Variants in DGKB observed in about 807,000 individuals in gnomAD.
DGKB encodes the protein 90 kDa diacylglycerol kinase.
DGKB carries 67 observed loss-of-function variants against 114.3 expected under a neutral mutation model. That is an observed-to-expected ratio of 0.59 (90% CI 0.48 to 0.72). The LOEUF (loss-of-function observed/expected upper bound fraction) is 0.72, where lower values mean the gene tolerates loss of function less well. Ranked by LOEUF, DGKB falls within the 30% of genes least tolerant of loss-of-function variation. DGKB has a pLI of 0.00. For synonymous variants in DGKB, 398 were observed against 323.1 expected (o/e 1.23, Z -2.49); for missense variants, 907 against 975.2 (o/e 0.93, Z 0.93).
At chr7:14,639,465 A>G (rs1358195613) in intron 13 of DGKB, among the ~76,000 whole-genome samples, 1 of 152,226 alleles carries the variant, frequency 6.6e-6, no homozygotes, top group Non-Finnish European at 1.5e-5. Flanking sequence ...TGCCAGAGCA[A>G]CTATCACCAG....
chr7:14,368,841 C>G (rs1013912551), intron 21 of DGKB, among the ~76,000 whole-genome samples: 3 of 151,982 alleles, frequency 2.0e-5, no homozygotes, highest in African/African-American at 7.3e-5. Flanking sequence ...CAGGAAGAGC[C>G]CGGGAGAGCC....
At chr7:14,731,895 T>C (rs1830978600) in intron 5 of DGKB, among the ~76,000 whole-genome samples, 1 of 152,160 alleles carries the variant, frequency 6.6e-6, no homozygotes. Flanking sequence ...ATTAGCGATA[T>C]CTTCAAAAAT....
intron 21 of DGKB, among the ~76,000 whole-genome samples, chr7:14,471,525 A>G (rs1327563390): frequency 6.6e-6 from 1 of 150,614 alleles, no homozygotes; most frequent in East Asian, 2.0e-4. Flanking sequence ...AAGAAGAAGC[A>G]CAAACTAATC....
intron 23 of DGKB, among the ~76,000 whole-genome samples, chr7:14,253,248 T>C (rs1437679125): frequency 3.3e-5 from 5 of 152,134 alleles, no homozygotes; most frequent in Non-Finnish European, 5.9e-5. Context: ...TTGGCCAGGC[T>C]GGTCTCGAAC....
intron 16 of DGKB, among the ~76,000 whole-genome samples, chr7:14,611,410 G>A (rs1317220639): frequency 2.0e-5 from 3 of 152,072 alleles, no homozygotes; most frequent in Admixed American, 6.6e-5. Flanking sequence ...GTGGATTTAT[G>A]ATTCTGTGAC....
intron 1 of DGKB, among the ~76,000 whole-genome samples, chr7:14,855,571 T>C (rs1222872222): frequency 2.0e-5 from 3 of 152,038 alleles, no homozygotes; most frequent in Non-Finnish European, 2.9e-5. Flanking sequence ...CCCATGCATA[T>C]GCACACATTT....
At chr7:14,324,257 T>G (rs192699040) in intron 23 of DGKB, among the ~76,000 whole-genome samples, 176 of 152,130 alleles carry the variant, frequency 1.2e-3, no homozygotes, top group African/African-American at 4.1e-3. Flanking sequence ...AAGACCAGTC[T>G]GGCCAACATG....
chr7:14,668,319 G>A (rs958134299), intron 13 of DGKB, among the ~76,000 whole-genome samples: 5 of 152,066 alleles, frequency 3.3e-5, no homozygotes, highest in African/African-American at 1.2e-4. Context: ...AATAAAAAAT[G>A]CTACTTAGGT....
intron 1 of DGKB, among the ~76,000 whole-genome samples, chr7:14,919,095 A>ACACACACACACAC (rs1554345122): frequency 3.5e-5 from 4 of 114,920 alleles, no homozygotes; most frequent in African/African-American, 7.2e-5. Context: ...CACACACACA[A>ACACACACACACAC]ACACACACAC....
chr7:14,846,101 T>G (rs1312381939), intron 1 of DGKB, among the ~76,000 whole-genome samples: 1 of 152,236 alleles, frequency 6.6e-6, no homozygotes, highest in Non-Finnish European at 1.5e-5. Flanking sequence ...AGGTCTTCAC[T>G]TTTTATAACA....
At chr7:14,802,846 G>C (rs1031087832) in intron 2 of DGKB, among the ~76,000 whole-genome samples, 5 of 151,732 alleles carry the variant, frequency 3.3e-5, no homozygotes, top group Non-Finnish European at 7.4e-5. Context: ...TTTTTTATAC[G>C]TTTACTGCAT....
intron 10 of DGKB, among the ~76,000 whole-genome samples, chr7:14,684,445 C>T (rs183509310): frequency 4.6e-5 from 7 of 152,188 alleles, no homozygotes; most frequent in African/African-American, 1.7e-4. Context: ...TAATGGAGAA[C>T]TTAAATGAAG....
chr7:14,860,914 A>AT (rs916525844), intron 1 of DGKB, among the ~76,000 whole-genome samples: 1 of 151,898 alleles, frequency 6.6e-6, no homozygotes, highest in Non-Finnish European at 1.5e-5. Context: ...AAGATAATAG[A>AT]TTTTTCTGAG....
At chr7:14,445,528 AAAG>A (rs1830612346) in intron 21 of DGKB, among the ~76,000 whole-genome samples, 1 of 152,006 alleles carries the variant, frequency 6.6e-6, no homozygotes, top group Non-Finnish European at 1.5e-5. Context: ...AAATGTATTT[AAAG>A]AAGAAGAAAC....
chr7:14,893,283 T>C (rs891809668), intron 1 of DGKB, among the ~76,000 whole-genome samples: 2 of 151,316 alleles, frequency 1.3e-5, no homozygotes, highest in African/African-American at 2.4e-5. Flanking sequence ...GAGTATGTTT[T>C]AGTTCTCATC....
intron 2 of DGKB, among the ~76,000 whole-genome samples, chr7:14,775,886 G>A (rs575611980): frequency 1.6e-4 from 25 of 152,212 alleles, no homozygotes; most frequent in African/African-American, 5.8e-4. Flanking sequence ...CGAAAATGTG[G>A]AAGTGACTTT....
At chr7:14,250,139 T>A (rs867234080) in intron 23 of DGKB, among the ~76,000 whole-genome samples, 2,850 of 148,730 alleles carry the variant, frequency 0.019, 87 homozygotes, top group African/African-American at 0.065. Context: ...TATATTTTTT[T>A]TTTTTTTTTG....
At chr7:14,230,466 G>T (rs1336010764) in intron 23 of DGKB, among the ~76,000 whole-genome samples, 1 of 151,756 alleles carries the variant, frequency 6.6e-6, no homozygotes, top group Admixed American at 6.6e-5. Context: ...TAATTAAAGA[G>T]TTATTATGTG....
chr7:14,816,944 AAC>A (rs1299697105), intron 2 of DGKB, among the ~76,000 whole-genome samples: 1 of 152,214 alleles, frequency 6.6e-6, no homozygotes, highest in African/African-American at 2.4e-5. Flanking sequence ...GCAGATTATT[AAC>A]ACAGTTTTCT....
Sources: allele counts gnomAD v4.1 joint callset (sites outside exome capture counted in the v4.1 genomes callset), GRCh38; gene constraint gnomAD v4.1.1; transcripts MANE v1.5; gene names NCBI Gene and HGNC (gene_info 2026-07-23, HGNC 2026-07-21).